LARS2: variants seen among roughly 807,000 people sequenced by gnomAD.
LARS2 encodes the protein leucine--tRNA ligase, mitochondrial.
Under a neutral mutation model 116.6 loss-of-function variants are expected in LARS2, and 81 were observed. The ratio of observed to expected loss-of-function variants is 0.69; its 90% CI spans 0.58 to 0.84. The LOEUF is 0.84. Among genes scored for constraint, LARS2 ranks in the 40% least tolerant of loss-of-function variants. LARS2 has a pLI of 0.00. For synonymous variants in LARS2, 396 were observed against 407.2 expected (o/e 0.97, Z 0.33); for missense variants, 968 against 1,114.5 (o/e 0.87, Z 1.87).
intron 6 of LARS2, among the ~76,000 whole-genome samples, chr3:45,430,215 G>A (rs1403322136): frequency 2.8e-5 from 4 of 145,430 alleles, no homozygotes; most frequent in Non-Finnish European, 4.5e-5. Flanking sequence ...TTTGTGATCC[G>A]CCCGCCTTGG....
intron 6 of LARS2, among the ~76,000 whole-genome samples, chr3:45,439,509 G>A (rs539292165): frequency 1.3e-5 from 2 of 152,030 alleles, no homozygotes; most frequent in African/African-American, 2.4e-5. Context: ...GTGAGCCAGC[G>A]CGCCCAGCCA....
chr3:45,476,441 G>T (rs1440837264), intron 9 of LARS2, 27 bp from the exon 10 acceptor site: 1 of 1,613,426 alleles, frequency 6.2e-7, no homozygotes, highest in East Asian at 2.2e-5. Flanking sequence ...ACTGAGAAAT[G>T]ACATCACTCT....
At chr3:45,452,436 C>T (rs1398812193) in intron 7 of LARS2, among the ~76,000 whole-genome samples, 2 of 151,656 alleles carry the variant, frequency 1.3e-5, no homozygotes, top group African/African-American at 2.4e-5. Context: ...GCTTTTTTAG[C>T]ATCTATGGAA....
At chr3:45,499,537 G>T (rs1213951646) in intron 14 of LARS2, among the ~76,000 whole-genome samples, 1 of 152,138 alleles carries the variant, frequency 6.6e-6, no homozygotes, top group Non-Finnish European at 1.5e-5. Flanking sequence ...CTGGAAGATC[G>T]CTTGAGCCCA....
chr3:45,545,890 G>T (rs908556087), intron 21 of LARS2, among the ~76,000 whole-genome samples: 1 of 152,020 alleles, frequency 6.6e-6, no homozygotes, highest in Admixed American at 6.6e-5. Flanking sequence ...GGCAGAGGGA[G>T]TGCAGCTTAG....
In LARS2 at chr3:45,476,529, A is replaced by G. The variant is rs1699612697; in HGVS notation, c.920A>G (p.Tyr307Cys). ...TATACGGCCACCCCTGAAGCCATTT[A>G]TGGCACCTCCCACGTGGCCATCTCG... ...TAYTATPEAIYGTSHVAISPS... is the reference protein window; with the variant it reads ...TAYTATPEAICGTSHVAISPS... Residue 307 changes from tyrosine (Y) to cysteine (C), a missense_variant, in exon 10 of 22, where the codon TAT becomes TGT. Physicochemically the swap from Tyr to Cys is radical, Grantham distance 194 (BLOSUM62 -2). Coordinates refer to ENST00000645846, the MANE Select transcript of LARS2 (RefSeq NM_015340.4). 6.2e-7 allele frequency: 1 copy of G among 1,614,170 alleles called. No homozygotes were observed. The highest frequency in any genetic ancestry group is 8.5e-7 in the Non-Finnish European group (1 of 1,180,004).
At chr3:45,416,783 G>C (rs898750554) in intron 4 of LARS2, among the ~76,000 whole-genome samples, 1 of 152,192 alleles carries the variant, frequency 6.6e-6, no homozygotes, top group East Asian at 1.9e-4. Context: ...CTCCATAAAT[G>C]AAAAATACTG....
chr3:45,433,467 GGT>G (rs1210837219), intron 6 of LARS2, among the ~76,000 whole-genome samples: 1 of 151,944 alleles, frequency 6.6e-6, no homozygotes, highest in Admixed American at 6.5e-5. Flanking sequence ...ACAATCTACT[GGT>G]ATGGTCATTT....
intron 6 of LARS2, among the ~76,000 whole-genome samples, chr3:45,444,852 A>G (rs1698992709): frequency 6.6e-6 from 1 of 151,338 alleles, no homozygotes; most frequent in South Asian, 2.1e-4. Flanking sequence ...ATATTTACTA[A>G]AAGAATTTTG....
At position 45,415,856 on chromosome 3, in the gene LARS2, A is replaced by AT. The variant is rs774948080; in HGVS notation, c.364-1626_364-1625insT. Among the ~76,000 whole-genome samples, 826 of 106,628 alleles carry AT rather than the reference A, an allele frequency of 7.7e-3. 12 individuals carry two copies. The highest frequency in any genetic ancestry group is 0.011 in the Non-Finnish European group (638 of 55,630). The allele number at this position is 106,628 out of a possible 152,430, so 70.0% of individuals were successfully genotyped here. A position where few individuals can be genotyped will look rare whatever the true frequency, so the allele number is the denominator to read the frequency against. ...GAGCAAGACTCCATCTCAAAAAAAA[A>AT]AAAAATATATATATATATATAGAGA... is the stretch of plus-strand genomic sequence containing the variant. On this transcript the variant is annotated intron_variant, in intron 4 of 21. Coordinates refer to ENST00000645846, the MANE Select transcript of LARS2 (RefSeq NM_015340.4).
rs551754797 is a variant in LARS2, at chr3:45,537,707, G to C, written c.2405-4122G>C. The stretch of plus-strand genomic sequence containing the variant: ...GAGTCCCTGACTCTTCCCCCCTGGT[G>C]TGTCTATGAGTGCAGGGGTGAGGAG... On this transcript the variant is annotated intron_variant, in intron 20 of 21. Coordinates refer to ENST00000645846, the MANE Select transcript of LARS2 (RefSeq NM_015340.4). Among the ~76,000 whole-genome samples, 4 of 152,330 alleles carry C rather than the reference G, an allele frequency of 2.6e-5. No individual in the cohort carries two copies. The South Asian group carries it at 6.2e-4, about 24-fold the overall frequency.
At chr3:45,458,370 A>G (rs368455213) in intron 7 of LARS2, among the ~76,000 whole-genome samples, 1 of 152,144 alleles carries the variant, frequency 6.6e-6, no homozygotes, top group South Asian at 2.1e-4. Context: ...TCTCCCATGT[A>G]AGAAACCTGA....
At chr3:45,458,654 T>C (rs1699255341) in intron 7 of LARS2, 89 bp from the exon 8 acceptor site, 13 of 1,383,974 alleles carry the variant, frequency 9.4e-6, no homozygotes, top group Middle Eastern at 3.6e-4. Context: ...GCCACTGCAC[T>C]CTAGCCCGGG....
In LARS2 at chr3:45,524,025, G is replaced by T; in HGVS notation, c.2321G>T (p.Ser774Ile). 2 of 1,613,838 alleles carry T rather than the reference G, an allele frequency of 1.2e-6. No homozygotes were observed. The highest frequency in any genetic ancestry group is 1.7e-6 in the Non-Finnish European group (2 of 1,179,908). The change falls in exon 20 of 22, where the codon AGC becomes ATC. Residue 774 changes from serine (S) to isoleucine (I), a missense_variant. Transcript: ENST00000645846. ...SQASQSVILH[S>I]PEFEDALCAL... ...GCCTCTCAGAGCGTCATTCTCCACA[G>T]CCCCGAGTTTGAGGATGCTTTGTGT...
chr3:45,521,318 A>G (rs949281535), intron 19 of LARS2, among the ~76,000 whole-genome samples: 3 of 152,060 alleles, frequency 2.0e-5, no homozygotes, highest in Admixed American at 2.0e-4. Flanking sequence ...AACAAAGTAA[A>G]AAAATAAAAT....
Position 45,504,866 on chromosome 3 carries a change from G to A in LARS2, c.1760+4287G>A, listed in dbSNP as rs991028073. Among the ~76,000 whole-genome samples the A allele has an allele frequency of 2.5e-4, 38 of 151,546 alleles. 1 individual carries two copies. The highest frequency in any genetic ancestry group is 8.9e-5 in the Non-Finnish European group (6 of 67,782). On this transcript the variant is annotated intron_variant, in intron 15 of 21. Transcript: ENST00000645846. ...AGGCCAAGGCGGGTGGATTGCTTGA[G>A]GTCAGGAGTTCGAGACCAGCCTGGC... is the stretch of plus-strand genomic sequence containing the variant.
chr3:45,547,561 C>T lies in LARS2; in HGVS notation c.*31C>T, dbSNP rs766053580. The T allele has an allele frequency of 1.3e-6, 2 of 1,567,762 alleles. No individual in the cohort carries two copies. The highest frequency in any genetic ancestry group is 2.4e-5 in the South Asian group (2 of 84,402). ...AGGAGGCTGCAGCTACCACGAGGGC[C>T]TCTGAGGAACCTCCTTCCAGGCCTG... is the stretch of plus-strand genomic sequence containing the variant. On this transcript the variant is annotated 3_prime_UTR_variant, in exon 22 of 22. Transcript: ENST00000645846.
intron 6 of LARS2, among the ~76,000 whole-genome samples, chr3:45,438,833 T>C (rs1698851051): frequency 6.6e-6 from 1 of 151,578 alleles, no homozygotes; most frequent in South Asian, 2.1e-4. Context: ...AGACACTGTC[T>C]CAAAAAAACA....
intron 8 of LARS2, among the ~76,000 whole-genome samples, chr3:45,461,088 G>A (rs1237671663): frequency 2.6e-5 from 4 of 152,128 alleles, no homozygotes; most frequent in Non-Finnish European, 5.9e-5. Flanking sequence ...AGATGACCCA[G>A]ATGTTGGAAT....
Sources: gnomAD v4.1 joint callset for allele counts (sites outside exome capture counted in the v4.1 genomes callset) on GRCh38, gnomAD v4.1.1 for gene constraint, MANE v1.5 for transcripts, NCBI Gene and HGNC (gene_info 2026-07-23, HGNC 2026-07-21) for gene names.